The following LINGO2 variants were observed in gnomAD, a reference collection of about 807,000 sequenced individuals.
LINGO2 encodes the protein leucine rich repeat and Ig domain containing 2, also known as leucine-rich repeat and immunoglobulin-like domain-containing nogo receptor-interacting protein 2.
Under a neutral mutation model 30.6 loss-of-function variants are expected in LINGO2, and 14 were observed. The ratio of observed to expected loss-of-function variants is 0.46; its 90% CI spans 0.30 to 0.72. The LOEUF is 0.72. Ranked by LOEUF, LINGO2 falls within the 30% of genes least tolerant of loss-of-function variation. The probability of loss-of-function intolerance (pLI) is 0.07; values close to 1 mark genes in which losing one functional copy is unlikely to be tolerated. For missense variants in LINGO2, 729 were observed against 751.7 expected (o/e 0.97, Z 0.35); for synonymous variants, 317 against 288.5 (o/e 1.10, Z -1.00).
intron 4 of LINGO2, among the ~76,000 whole-genome samples, chr9:28,074,847 T>C (rs1825578464): frequency 6.6e-6 from 1 of 152,030 alleles, no homozygotes. Context: ...TTATATTTTA[T>C]ATCAGAATAA....
At chr9:28,273,659 C>T (rs1456077476) in intron 4 of LINGO2, among the ~76,000 whole-genome samples, 1 of 152,126 alleles carries the variant, frequency 6.6e-6, no homozygotes, top group East Asian at 1.9e-4. Context: ...ATGCTTCTAT[C>T]AGAGGATATT....
intron 1 of LINGO2, among the ~76,000 whole-genome samples, chr9:28,576,103 C>T (rs1341290864): frequency 6.6e-6 from 1 of 152,182 alleles, no homozygotes; most frequent in Admixed American, 6.6e-5. Context: ...CAAAGCTTAG[C>T]TTAGCCTACC....
chr9:29,080,580 T>A, the LINGO2 span, among the ~76,000 whole-genome samples: 1 of 152,204 alleles, frequency 6.6e-6, no homozygotes, highest in Non-Finnish European at 1.5e-5. Context: ...TGTGGGCATT[T>A]AGTGCTATAA....
chr9:28,225,211 C>A (rs187302045), intron 4 of LINGO2, among the ~76,000 whole-genome samples: 1 of 152,068 alleles, frequency 6.6e-6, no homozygotes, highest in African/African-American at 2.4e-5. Flanking sequence ...AACCGATTAG[C>A]AAGAAACAAA....
the LINGO2 span, among the ~76,000 whole-genome samples, chr9:28,762,063 T>C: frequency 2.6e-5 from 4 of 152,054 alleles, no homozygotes; most frequent in Non-Finnish European, 5.9e-5. Context: ...GAAGATTTTC[T>C]TTCTAATTCT....
At chr9:29,064,141 T>G in the LINGO2 span, among the ~76,000 whole-genome samples, 8 of 152,156 alleles carry the variant, frequency 5.3e-5, no homozygotes, top group East Asian at 1.5e-3. Flanking sequence ...ATGGAATTTA[T>G]TTTAAAAACA....
At chr9:28,358,234 T>C (rs762864434) in intron 3 of LINGO2, among the ~76,000 whole-genome samples, 1 of 152,148 alleles carries the variant, frequency 6.6e-6, no homozygotes, top group Non-Finnish European at 1.5e-5. Flanking sequence ...AACATAATTA[T>C]TATTATTTCC....
chr9:28,681,050 C>T, the LINGO2 span, among the ~76,000 whole-genome samples: 43 of 152,036 alleles, frequency 2.8e-4, no homozygotes, highest in South Asian at 4.1e-4. Flanking sequence ...TCCATGTCTT[C>T]TTCAAGTAGT....
chr9:28,967,646 G>A, the LINGO2 span, among the ~76,000 whole-genome samples: 1 of 152,210 alleles, frequency 6.6e-6, no homozygotes, highest in Admixed American at 6.5e-5. Context: ...CTGGCAACAA[G>A]ATTGACCATT....
At chr9:28,261,429 T>A (rs1464936548) in intron 4 of LINGO2, among the ~76,000 whole-genome samples, 1 of 151,908 alleles carries the variant, frequency 6.6e-6, no homozygotes, top group African/African-American at 2.4e-5. Flanking sequence ...TTACCATCTA[T>A]CCTTGGGTTG....
chr9:29,175,767 C>A, the LINGO2 span, among the ~76,000 whole-genome samples: 1 of 152,008 alleles, frequency 6.6e-6, no homozygotes, highest in Non-Finnish European at 1.5e-5. Flanking sequence ...CCTCGTGATC[C>A]ACCCACCTCA....
At position 28,142,248 on chromosome 9, in the gene LINGO2, AG is replaced by A. The variant is rs1827694615; in HGVS notation, c.-86-129844del. Among the ~76,000 whole-genome samples the A allele has an allele frequency of 2.7e-5, 4 of 150,078 alleles. No individual in the cohort carries two copies. The South Asian group carries it at 8.4e-4, about 32-fold the overall frequency. ...TAATAAGGTGTTTCCAGAATTCCTT[AG>A]TAAGTTTATCCTCTAAGAGAAAAGC... On this transcript the variant is annotated intron_variant, in intron 4 of 5. Coordinates refer to ENST00000379992, the Ensembl canonical transcript of LINGO2.
the LINGO2 span, among the ~76,000 whole-genome samples, chr9:29,026,923 T>C: frequency 6.6e-6 from 1 of 150,700 alleles, no homozygotes; most frequent in Admixed American, 6.6e-5. Flanking sequence ...TAAATTCCAT[T>C]ACTTAGGATA....
chr9:28,104,262 G>GTT (rs1364642044), intron 4 of LINGO2, among the ~76,000 whole-genome samples: 31 of 55,794 alleles, frequency 5.6e-4, no homozygotes, highest in African/African-American at 1.7e-3. Flanking sequence ...CAAGTTTTTT[G>GTT]TTTGTTTTTT....
intron 4 of LINGO2, among the ~76,000 whole-genome samples, chr9:28,080,300 G>A (rs545191886): frequency 2.8e-4 from 42 of 152,178 alleles, no homozygotes; most frequent in Non-Finnish European, 6.0e-4. Context: ...CTACCTGATC[G>A]GGTCTGGTGG....
chr9:29,055,942 A>ATGTG, the LINGO2 span, among the ~76,000 whole-genome samples: 2 of 148,842 alleles, frequency 1.3e-5, no homozygotes, highest in African/African-American at 4.9e-5. Context: ...GTGTGTGTGT[A>ATGTG]TATATACATA....
the LINGO2 span, among the ~76,000 whole-genome samples, chr9:28,689,077 A>T: frequency 6.6e-6 from 1 of 152,196 alleles, no homozygotes; most frequent in Non-Finnish European, 1.5e-5. Context: ...ATGATTCTGT[A>T]AGACTGTCTT....
chr9:28,364,126 A>C (rs1010297116), intron 3 of LINGO2, among the ~76,000 whole-genome samples: 3 of 152,174 alleles, frequency 2.0e-5, no homozygotes, highest in Non-Finnish European at 2.9e-5. Context: ...TAAACTCCTT[A>C]AGAGATTATG....
rs189843126 is a variant in LINGO2, at chr9:28,439,162, T to C, written c.-279+36778A>G. Among the ~76,000 whole-genome samples the C allele has an allele frequency of 8.2e-3, 1,219 of 149,110 alleles. 19 individuals carry two copies. The highest frequency in any genetic ancestry group is 0.027 in the African/African-American group (1,092 of 40,834). Reference sequence around the variant, plus strand: ...TGTAATGAAATACAGATAATATATATTTACACATTATAGATAATGAAATAT... The same window carrying C: ...TGTAATGAAATACAGATAATATATACTTACACATTATAGATAATGAAATAT... On this transcript the variant is annotated intron_variant, in intron 2 of 5. Transcript: ENST00000379992.
Sources: allele counts gnomAD v4.1 joint callset (sites outside exome capture counted in the v4.1 genomes callset), GRCh38; gene constraint gnomAD v4.1.1; transcripts MANE v1.5; gene names NCBI Gene and HGNC (gene_info 2026-07-23, HGNC 2026-07-21).